The following ZNF521 variants were observed in gnomAD, a reference collection of about 807,000 sequenced individuals.
ZNF521 encodes LYST-interacting protein 3.
In ZNF521, 14 loss-of-function variants were observed where a neutral mutation model predicts 105.5. The ratio of observed to expected loss-of-function variants is 0.13; its 90% confidence interval spans 0.09 to 0.21. The LOEUF is 0.21. Among genes scored for constraint, ZNF521 ranks in the 10% least tolerant of loss-of-function variants. The pLI is 1.00. For missense variants in ZNF521, 1,233 were observed against 1,629.7 expected, an observed-to-expected ratio of 0.76 and a Z score of 4.19; for synonymous variants, 635 against 606.0, an observed-to-expected ratio of 1.05 and a Z score of -0.70.
intron 5 of ZNF521, among the ~76,000 whole-genome samples, chr18:25,140,463 C>T (rs759178131): frequency 2.0e-5 from 3 of 152,144 alleles, no homozygotes; most frequent in Non-Finnish European, 4.4e-5. Context: ...GAGGTTTCAG[C>T]GTTTGTTAAG....
At position 25,078,907 on chromosome 18, in the gene ZNF521, GGGA is replaced by G. The variant is rs2033427244; in HGVS notation, c.3906+10555_3906+10557del. On this transcript the variant is annotated intron_variant, in intron 7 of 7. Transcript: ENST00000361524. Reference sequence around the variant, plus strand: ...CGGGGGAGGTGGGAGAGAACACAAAGGGATAGGACAGAGTGGGAACAAACCACC... The same window carrying G: ...CGGGGGAGGTGGGAGAGAACACAAAGTAGGACAGAGTGGGAACAAACCACC... Among the ~76,000 whole-genome samples the G allele has an allele frequency of 3.9e-5, 6 of 152,338 alleles. No homozygotes were observed. In the South Asian group the frequency reaches 1.2e-3, roughly 32 times the overall value.
intron 4 of ZNF521, chr18:25,224,121 G>C: frequency 1.8e-6 from 1 of 541,800 alleles, no homozygotes; most frequent in South Asian, 2.3e-5. Flanking sequence ...ATATCCTAGG[G>C]AGACTGGAAT....
chr18:25,220,354 G>A (rs1336017847), intron 4 of ZNF521, among the ~76,000 whole-genome samples: 5 of 152,200 alleles, frequency 3.3e-5, no homozygotes, highest in African/African-American at 4.8e-5. Flanking sequence ...CTGGGCAATG[G>A]GTGAGGGAAC....
At chr18:25,212,516 A>C (rs1199879807) in intron 4 of ZNF521, among the ~76,000 whole-genome samples, 1 of 96,698 alleles carries the variant, frequency 1.0e-5, no homozygotes, top group African/African-American at 5.7e-5. Context: ...TCTCAAAAAA[A>C]AAAAAAAAAA....
intron 5 of ZNF521, among the ~76,000 whole-genome samples, chr18:25,135,440 G>T (rs996880695): frequency 2.6e-5 from 4 of 152,130 alleles, no homozygotes; most frequent in African/African-American, 9.6e-5. Context: ...TGGGGGTTGG[G>T]CTGGAGACGG....
At chr18:25,290,618 T>G (rs529464129) in intron 3 of ZNF521, among the ~76,000 whole-genome samples, 18 of 149,438 alleles carry the variant, frequency 1.2e-4, no homozygotes, top group African/African-American at 4.4e-4. Context: ...TTTTTTTTTT[T>G]TTTTTTTTTT....
rs1656347681 is a variant in ZNF521 at position 25,227,834 on chromosome 18, T to C, written c.221-137A>G. 1 of 711,894 alleles carries C rather than the reference T, an allele frequency of 1.4e-6. No individual in the cohort carries two copies. The highest frequency in any genetic ancestry group is 1.8e-5 in the African/African-American group (1 of 55,958). The allele number at this position is 711,894 out of a possible 1,614,324, so 44.1% of individuals were successfully genotyped here. On this transcript the variant is annotated intron_variant, in intron 3 of 7. Coordinates refer to ENST00000361524, the MANE Select transcript of ZNF521 (RefSeq NM_015461.3). This position sits in a 1 kb window ranked among gnomAD's most constrained non-coding sequence, Gnocchi z 5.7. ...AAAAACAAAATGAAAAGAGAGAATA[T>C]TTGAGTGAGACATTTTCAAATCTGA...
rs377461795 is a variant in ZNF521, at chr18:25,245,024, G to A, written c.221-17327C>T. 3.3e-5 allele frequency among the ~76,000 whole-genome samples: 5 copies of A among 152,250 alleles called. No individual in the cohort carries two copies. In the East Asian group the frequency reaches 9.6e-4, roughly 29 times the overall value. Reference sequence around the variant, plus strand: ...TTGGGAGATAATCTATTTATAAGCTGGGAACTGCCTGCATTTTAACTGGTG... The same window carrying A: ...TTGGGAGATAATCTATTTATAAGCTAGGAACTGCCTGCATTTTAACTGGTG... On this transcript the variant is annotated intron_variant, in intron 3 of 7. Coordinates refer to ENST00000361524, the MANE Select transcript of ZNF521 (RefSeq NM_015461.3).
At chr18:25,090,619 C>T (rs1234733365) in intron 6 of ZNF521, among the ~76,000 whole-genome samples, 1 of 152,132 alleles carries the variant, frequency 6.6e-6, no homozygotes, top group Non-Finnish European at 1.5e-5. Flanking sequence ...ACGATTAATG[C>T]ATTTTTGTCT....
intron 5 of ZNF521, among the ~76,000 whole-genome samples, chr18:25,182,043 TTTA>T (rs1191619069): frequency 1.3e-5 from 2 of 152,252 alleles, no homozygotes; most frequent in East Asian, 1.9e-4. Context: ...TATTTATTTA[TTTA>T]TTATTATTAT....
At chr18:25,236,868 C>T (rs569842053) in intron 3 of ZNF521, among the ~76,000 whole-genome samples, 25 of 152,240 alleles carry the variant, frequency 1.6e-4, no homozygotes, top group African/African-American at 6.0e-4. Context: ...AGTATCTCTA[C>T]ACAGGTCTTA....
Position 25,244,191 on chromosome 18 carries a change from T to C in ZNF521, c.221-16494A>G, listed in dbSNP as rs755765828. On this transcript the variant is annotated intron_variant, in intron 3 of 7. Transcript: ENST00000361524. The stretch of plus-strand genomic sequence containing the variant: ...GATGCAGGTCCAGGGGACCCCACCA[T>C]ACACCAGCAGTTTTTACTCTGCCAG... Among the ~76,000 whole-genome samples the C allele has an allele frequency of 2.4e-4, 37 of 152,038 alleles. 1 individual carries two copies. The highest frequency in any genetic ancestry group is 6.2e-4 in the South Asian group (3 of 4,808).
intron 5 of ZNF521, among the ~76,000 whole-genome samples, chr18:25,154,072 A>G (rs563698689): frequency 9.8e-5 from 15 of 152,286 alleles, no homozygotes; most frequent in South Asian, 4.1e-4. Context: ...CCATCTTCCA[A>G]ATCTGAACCT....
intron 3 of ZNF521, among the ~76,000 whole-genome samples, chr18:25,291,934 G>GA (rs78119042): frequency 0.022 from 3,083 of 142,658 alleles, 132 homozygotes; most frequent in East Asian, 0.21. Context: ...ATTGCACCAA[G>GA]AAAAAAAAAA....
chr18:25,290,433 T>C (rs145949773), intron 3 of ZNF521, among the ~76,000 whole-genome samples: 44 of 152,236 alleles, frequency 2.9e-4, no homozygotes, highest in African/African-American at 9.6e-4. Context: ...ACCTGTGAAA[T>C]ACGCATTCTG....
At chr18:25,085,817 TG>T (rs1164762394) in intron 7 of ZNF521, among the ~76,000 whole-genome samples, 1 of 152,038 alleles carries the variant, frequency 6.6e-6, no homozygotes, top group Admixed American at 6.6e-5. Flanking sequence ...TATTTTCAAC[TG>T]GGCATAAACC....
intron 3 of ZNF521, among the ~76,000 whole-genome samples, chr18:25,319,595 CAAAA>C (rs67059898): frequency 8.7e-6 from 1 of 114,496 alleles, no homozygotes. Flanking sequence ...GACTCCATCA[CAAAA>C]AAAAAAAAAA....
chr18:25,245,235 T>A (rs1907621453), intron 3 of ZNF521, among the ~76,000 whole-genome samples: 1 of 152,230 alleles, frequency 6.6e-6, no homozygotes, highest in African/African-American at 2.4e-5. Flanking sequence ...TGACTACACA[T>A]CTTTGAATTC....
At chr18:25,263,319 C>T (rs191638360) in intron 3 of ZNF521, among the ~76,000 whole-genome samples, 253 of 151,438 alleles carry the variant, frequency 1.7e-3, no homozygotes, top group Non-Finnish European at 2.3e-3. Flanking sequence ...CACAGTTACT[C>T]TGATTGATGA....
Sources: gnomAD v4.1 joint callset for allele counts (sites outside exome capture counted in the v4.1 genomes callset) on GRCh38, gnomAD v4.1.1 for gene constraint, Gnocchi (gnomAD v3.1) non-coding constraint, MANE v1.5 for transcripts, NCBI Gene and HGNC (gene_info 2026-07-23, HGNC 2026-07-21) for gene names.